Variants in PHOSPHO1 observed in about 807,000 individuals in gnomAD.
PHOSPHO1 encodes the protein phosphoethanolamine/phosphocholine phosphatase 1, also known as phosphoethanolamine/phosphocholine phosphatase.
PHOSPHO1 carries 6 observed loss-of-function variants against 17.7 expected under a neutral mutation model. That is an observed-to-expected ratio of 0.34 (90% CI 0.19 to 0.67). The LOEUF is 0.67. Ranked by LOEUF, PHOSPHO1 falls within the 30% of genes least tolerant of loss-of-function variation. The probability of loss-of-function intolerance (pLI) is 0.69; values close to 1 mark genes in which losing one functional copy is unlikely to be tolerated. For synonymous variants in PHOSPHO1, 159 were observed against 174.6 expected (o/e 0.91, Z 0.71); for missense variants, 330 against 392.1 (o/e 0.84, Z 1.34).
At chr17:49,229,678 T>A (rs1454611218) in intron 1 of PHOSPHO1, among the ~76,000 whole-genome samples, 1 of 152,130 alleles carries the variant, frequency 6.6e-6, no homozygotes. Context: ...ACAAGCCCTC[T>A]CTGTCCAAAA....
Position 49,226,601 on chromosome 17 carries a change from G to A in PHOSPHO1, c.45+46C>T. ...CCTATGGAAAGGTGATGGGAAACTG[G>A]GGGCTGAGGCCTCATCCTAGGAGAC... On this transcript the variant is annotated intron_variant, in intron 2 of 2. Transcript: ENST00000310544. 2.5e-6 allele frequency: 4 copies of A among 1,602,312 alleles called. No homozygotes were observed. In the Middle Eastern group the frequency reaches 5.0e-4, roughly 200 times the overall value.
chr17:49,227,393 T>G (rs763421401), intron 1 of PHOSPHO1, among the ~76,000 whole-genome samples: 2 of 151,976 alleles, frequency 1.3e-5, no homozygotes, highest in Non-Finnish European at 2.9e-5. Context: ...TGGCAAGACT[T>G]TGGTGTGGCT....
At chr17:49,225,411 T>C in intron 2 of PHOSPHO1, 1 of 985,362 alleles carries the variant, frequency 1.0e-6, no homozygotes, top group South Asian at 4.7e-5. Context: ...GTTGTTGGTG[T>C]GGATCAAGAA....
intron 2 of PHOSPHO1, 54 bp from the exon 3 acceptor site, chr17:49,225,058 G>T: frequency 6.9e-7 from 1 of 1,449,050 alleles, no homozygotes; most frequent in Non-Finnish European, 9.0e-7. Flanking sequence ...GCAAGCGAGA[G>T]GGGGCGCGGC....
At position 49,227,987 on chromosome 17, in the gene PHOSPHO1, G is replaced by A. The variant is rs1481953941; in HGVS notation, c.-67-1229C>T. ...AGGGACAAGGAAATGGCATGGGTTG[G>A]AGCTGTCCCCAGTCCCTATCTGGAG... On this transcript the variant is annotated intron_variant, in intron 1 of 2. Transcript: ENST00000310544. Among the ~76,000 whole-genome samples the A allele has an allele frequency of 2.0e-5, 3 of 152,232 alleles. No homozygotes were observed. The South Asian group carries it at 6.2e-4, about 32-fold the overall frequency.
rs372095740 is a variant in PHOSPHO1 at position 49,226,706 on chromosome 17, C to T, written c.-15G>A. On this transcript the variant is annotated 5_prime_UTR_variant, in exon 2 of 3. Coordinates refer to ENST00000310544, the MANE Select transcript of PHOSPHO1 (RefSeq NM_178500.4). Reference sequence around the variant, plus strand: ...CAGCCACTCATTGTCGGTGCATTACCGTGAGCACCACCTGTAGGGACTCTG... The same window carrying T: ...CAGCCACTCATTGTCGGTGCATTACTGTGAGCACCACCTGTAGGGACTCTG... The T allele has an allele frequency of 6.3e-5, 102 of 1,614,188 alleles. No individual in the cohort carries two copies. The African/African-American group carries it at 6.8e-4, about 11-fold the overall frequency.
chr17:49,229,970 G>A (rs540491399), intron 1 of PHOSPHO1, among the ~76,000 whole-genome samples: 10 of 152,276 alleles, frequency 6.6e-5, no homozygotes, highest in Admixed American at 1.3e-4. Flanking sequence ...GGGAGCTTGC[G>A]GTCCTGACCA....
intron 2 of PHOSPHO1, chr17:49,225,280 A>C (rs1227195841): frequency 7.2e-7 from 1 of 1,397,938 alleles, no homozygotes; most frequent in East Asian, 2.6e-5. Flanking sequence ...TGTTTCCCCT[A>C]CTCTCATCGA....
At position 49,228,301 on chromosome 17, in the gene PHOSPHO1, T is replaced by TTCC. The variant is rs1239779834; in HGVS notation, c.-67-1546_-67-1544dup. Among the ~76,000 whole-genome samples, 266 of 85,824 alleles carry TTCC rather than the reference T, an allele frequency of 3.1e-3. 1 individual carries two copies. Among genetic ancestry groups the TTCC allele is most frequent in the East Asian group, 0.012 (33 of 2,756 alleles). 56.3% of individuals were successfully genotyped at this position (85,824 alleles called of 152,430 possible). ...CCTTCCTTCCTTCCTTCCTTCCTCC[T>TTCC]TCCTTCCTTCCTTCCTTCCTTCCTT... On this transcript the variant is annotated intron_variant, in intron 1 of 2. Transcript: ENST00000310544.
Position 49,224,348 on chromosome 17 carries a change from C to T in PHOSPHO1, c.702G>A (p.Glu234=). ...ACGAGCTGGGCTCGGCCTTCTGGGCCTCCTGAATGAGGCGGTGCATGGGGT... is the reference window on the plus strand; with the variant it reads ...ACGAGCTGGGCTCGGCCTTCTGGGCTTCCTGAATGAGGCGGTGCATGGGGT... ...RGYPMHRLIQ[E]AQKAEPSSFR... is the part of the protein sequence containing the mutation. The change falls in exon 3 of 3, where the codon GAG becomes GAA. Residue 234 remains glutamate, a synonymous_variant. Coordinates refer to ENST00000310544, the MANE Select transcript of PHOSPHO1 (RefSeq NM_178500.4). The T allele has an allele frequency of 1.9e-6, 3 of 1,575,458 alleles. No individual in the cohort carries two copies. The highest frequency in any genetic ancestry group is 1.7e-6 in the Non-Finnish European group (2 of 1,164,204).
Position 49,228,281 on chromosome 17 carries a change from CTTCCTTCCTTCCTTCCTCCTTCCT to C in PHOSPHO1, c.-67-1547_-67-1524del, listed in dbSNP as rs1194362474. Among the ~76,000 whole-genome samples, 7 of 87,836 alleles carry C rather than the reference CTTCCTTCCTTCCTTCCTCCTTCCT, an allele frequency of 8.0e-5. No homozygotes were observed. In the East Asian group the frequency reaches 1.7e-3, roughly 22 times the overall value. The allele number at this position is 87,836 out of a possible 152,430, so 57.6% of individuals were successfully genotyped here. On this transcript the variant is annotated intron_variant, in intron 1 of 2. Coordinates refer to ENST00000310544, the MANE Select transcript of PHOSPHO1 (RefSeq NM_178500.4). Reference sequence around the variant, plus strand: ...CCTTCCTTCCTTCCTTCCTTCCTTCCTTCCTTCCTTCCTTCCTCCTTCCTTCCTTCCTTCCTTCCTTCCTTTTTT... The same window carrying C: ...CCTTCCTTCCTTCCTTCCTTCCTTCCTCCTTCCTTCCTTCCTTCCTTTTTT...
chr17:49,229,088 C>T (rs1212075258), intron 1 of PHOSPHO1: 1 of 152,112 alleles, frequency 6.6e-6, no homozygotes, highest in Admixed American at 6.6e-5. Flanking sequence ...TGGTGAGTTG[C>T]CCTTGTTTCT....
At chr17:49,225,635 A>T in intron 2 of PHOSPHO1, 1 of 1,291,974 alleles carries the variant, frequency 7.7e-7, no homozygotes, top group African/African-American at 1.5e-5. Flanking sequence ...CTGTGCTGAC[A>T]GCTCATCACT....
intron 1 of PHOSPHO1, chr17:49,229,109 A>C (rs1045666548): frequency 6.6e-6 from 1 of 152,172 alleles, no homozygotes; most frequent in Non-Finnish European, 1.5e-5. Context: ...TTCAGTCTCC[A>C]AGGCAGAAAG....
intron 1 of PHOSPHO1, chr17:49,229,179 C>T (rs915048518): frequency 7.2e-5 from 11 of 152,110 alleles, no homozygotes; most frequent in Non-Finnish European, 1.0e-4. Context: ...ACACCTCGTC[C>T]CCACCCCACA....
Position 49,224,981 on chromosome 17 carries a change from G to T in PHOSPHO1, c.69C>A (p.Gly23=), listed in dbSNP as rs1243415633. The T allele has an allele frequency of 6.5e-7, 1 of 1,542,934 alleles. No individual in the cohort carries two copies. Among genetic ancestry groups the T allele is most frequent in the East Asian group, 2.4e-5 (1 of 42,394 alleles). Residue 23 remains glycine, a synonymous_variant, in exon 3 of 3, where the codon GGC becomes GGA. Coordinates refer to ENST00000310544, the MANE Select transcript of PHOSPHO1 (RefSeq NM_178500.4). ...CGAAGGTCAGGAGGAAGCGCGGCGC[G>T]CCCTGCGCGGCCATCCTGCCGTCCT... The part of the protein sequence containing the change: ...LSRDGRMAAQ[G]APRFLLTFDF...
At chr17:49,225,641 T>G (rs967704101) in intron 2 of PHOSPHO1, 3 of 1,291,266 alleles carry the variant, frequency 2.3e-6, no homozygotes, top group Admixed American at 4.6e-5. Context: ...TGACAGCTCA[T>G]CACTAATCAC....
At chr17:49,225,570 G>A (rs2043346019) in intron 2 of PHOSPHO1, 1 of 1,262,894 alleles carries the variant, frequency 7.9e-7, no homozygotes, top group Admixed American at 2.6e-5. Context: ...TAGCCCAATG[G>A]CACTGAACAG....
intron 2 of PHOSPHO1, 59 bp from the exon 3 acceptor site, chr17:49,225,063 C>T (rs1195038231): frequency 4.1e-6 from 6 of 1,446,016 alleles, no homozygotes; most frequent in Non-Finnish European, 5.4e-6. Context: ...CGAGAGGGGG[C>T]GCGGCAGGAG....
Sources: gnomAD v4.1 joint callset for allele counts (sites outside exome capture counted in the v4.1 genomes callset) on GRCh38, gnomAD v4.1.1 for gene constraint, MANE v1.5 for transcripts, NCBI Gene and HGNC (gene_info 2026-07-23, HGNC 2026-07-21) for gene names.